EPHA3: variants seen among roughly 807,000 people sequenced by gnomAD.
EPHA3 encodes the protein ephrin type-A receptor 3.
In EPHA3, 42 loss-of-function variants were observed where a neutral mutation model predicts 107.1. That is an observed-to-expected ratio of 0.39 (90% CI 0.31 to 0.51). The LOEUF is 0.51. Among genes scored for constraint, EPHA3 ranks in the 20% least tolerant of loss-of-function variants. EPHA3 has a pLI of 0.78. For missense variants in EPHA3, 1,183 were observed against 1,211.2 expected (o/e 0.98, Z 0.35); for synonymous variants, 461 against 424.8 (o/e 1.09, Z -1.05).
At chr3:89,317,258 A>T (rs1338359407) in intron 3 of EPHA3, among the ~76,000 whole-genome samples, 1 of 151,680 alleles carries the variant, frequency 6.6e-6, no homozygotes, top group Admixed American at 6.6e-5. Flanking sequence ...TTACTGATAA[A>T]CTCACTAGGT....
At chr3:89,221,284 C>A (rs1704368529) in intron 3 of EPHA3, among the ~76,000 whole-genome samples, 1 of 152,144 alleles carries the variant, frequency 6.6e-6, no homozygotes, top group Admixed American at 6.5e-5. Flanking sequence ...CTTCTGACTC[C>A]AAGGGTGGGA....
chr3:89,357,180 C>T (rs1297261722), intron 5 of EPHA3, among the ~76,000 whole-genome samples: 1 of 133,290 alleles, frequency 7.5e-6, no homozygotes, highest in Non-Finnish European at 1.6e-5. Context: ...AGAAAAGAGA[C>T]GGTGATACGG....
intron 5 of EPHA3, among the ~76,000 whole-genome samples, chr3:89,351,919 C>T (rs1278325091): frequency 1.5e-5 from 2 of 134,582 alleles, no homozygotes; most frequent in Non-Finnish European, 3.2e-5. Context: ...AAATTCAAGG[C>T]AGATGCAAAA....
At chr3:89,179,667 T>TAAAAAAAAA (rs11391439) in intron 2 of EPHA3, among the ~76,000 whole-genome samples, 1 of 143,598 alleles carries the variant, frequency 7.0e-6, no homozygotes, top group Non-Finnish European at 1.5e-5. Context: ...TTAAAGTCTG[T>TAAAAAAAAA]AAAAAAAAAA....
intron 11 of EPHA3, among the ~76,000 whole-genome samples, chr3:89,426,886 A>G (rs1168213037): frequency 1.3e-5 from 2 of 151,908 alleles, no homozygotes; most frequent in African/African-American, 2.4e-5. Flanking sequence ...TCATTCATTC[A>G]TTTATTCATT....
chr3:89,365,235 GA>G (rs1185608058), intron 5 of EPHA3, among the ~76,000 whole-genome samples: 7 of 150,622 alleles, frequency 4.6e-5, no homozygotes. Flanking sequence ...TTGAAGACTG[GA>G]AAAAGGAATA....
At chr3:89,355,261 T>G (rs1189770308) in intron 5 of EPHA3, among the ~76,000 whole-genome samples, 2 of 151,248 alleles carry the variant, frequency 1.3e-5, no homozygotes, top group Non-Finnish European at 3.0e-5. Context: ...CAATTGGGCC[T>G]CAGAGTAGGT....
chr3:89,173,480 T>C (rs1414849513), intron 2 of EPHA3, among the ~76,000 whole-genome samples: 1 of 152,048 alleles, frequency 6.6e-6, no homozygotes, highest in African/African-American at 2.4e-5. Flanking sequence ...CTGTTATTTT[T>C]CCAACTTAAG....
chr3:89,407,741 C>T (rs1709082334), intron 8 of EPHA3, among the ~76,000 whole-genome samples: 1 of 152,078 alleles, frequency 6.6e-6, no homozygotes, highest in African/African-American at 2.4e-5. Flanking sequence ...AATCATTACC[C>T]ATAGAGACTT....
chr3:89,226,780 A>G (rs1371927887), intron 3 of EPHA3, among the ~76,000 whole-genome samples: 1 of 152,022 alleles, frequency 6.6e-6, no homozygotes, highest in Non-Finnish European at 1.5e-5. Flanking sequence ...TTTTTTTATC[A>G]TGTAGAAAAC....
intron 3 of EPHA3, among the ~76,000 whole-genome samples, chr3:89,273,979 T>C (rs1267317615): frequency 5.3e-5 from 8 of 151,822 alleles, no homozygotes; most frequent in Non-Finnish European, 4.4e-5. Flanking sequence ...AAATAGACAG[T>C]TATTTACAGT....
At chr3:89,191,134 T>TGCTA (rs1705704626) in intron 2 of EPHA3, among the ~76,000 whole-genome samples, 1 of 152,124 alleles carries the variant, frequency 6.6e-6, no homozygotes, top group Non-Finnish European at 1.5e-5. Context: ...CCAGATATTA[T>TGCTA]GCTAGCTTAG....
chr3:89,361,923 AT>A (rs1271682372), intron 5 of EPHA3, among the ~76,000 whole-genome samples: 1 of 151,210 alleles, frequency 6.6e-6, no homozygotes, highest in Non-Finnish European at 1.5e-5. Flanking sequence ...GAAAAGCAAT[AT>A]TTTTATATGT....
Position 89,342,055 on chromosome 3 carries a change from A to G in EPHA3, c.1271A>G (p.Gln424Arg). ...GVSELSSPPRQFAAVSITTNQ... is the reference protein window; with the variant it reads ...GVSELSSPPRRFAAVSITTNQ... ...TCAGAGCTGAGCTCCCCACCAAGAC[A>G]GTTTGCTGCGGTCAGCATCACAACT... Residue 424 changes from glutamine to arginine, a missense_variant, in exon 5 of 17, where the codon CAG becomes CGG. Coordinates refer to ENST00000336596, the MANE Select transcript of EPHA3 (RefSeq NM_005233.6). 1.2e-6 allele frequency: 2 copies of G among 1,611,444 alleles called. No homozygotes were observed. Among genetic ancestry groups the G allele is most frequent in the Non-Finnish European group, 8.5e-7 (1 of 1,179,502 alleles).
At chr3:89,401,383 A>C (rs1244503736) in intron 7 of EPHA3, among the ~76,000 whole-genome samples, 1 of 152,216 alleles carries the variant, frequency 6.6e-6, no homozygotes, top group African/African-American at 2.4e-5. Context: ...TCACAATAAA[A>C]TGTGTATGGA....
intron 2 of EPHA3, among the ~76,000 whole-genome samples, chr3:89,151,623 T>C (rs1704692414): frequency 6.6e-6 from 1 of 152,050 alleles, no homozygotes; most frequent in South Asian, 2.1e-4. Context: ...ACAAGAAAAT[T>C]AGACTTGTGT....
At chr3:89,244,360 A>AT (rs1704981054) in intron 3 of EPHA3, among the ~76,000 whole-genome samples, 1 of 152,054 alleles carries the variant, frequency 6.6e-6, no homozygotes, top group African/African-American at 2.4e-5. Flanking sequence ...ATATCTAAAA[A>AT]TTTTAAGTAG....
intron 1 of EPHA3, among the ~76,000 whole-genome samples, chr3:89,112,880 A>C (rs1236992793): frequency 6.6e-6 from 1 of 152,004 alleles, no homozygotes; most frequent in African/African-American, 2.4e-5. Flanking sequence ...AAGTTTTACA[A>C]GTTATTTTCT....
At chr3:89,272,917 A>C (rs1705711297) in intron 3 of EPHA3, among the ~76,000 whole-genome samples, 1 of 151,930 alleles carries the variant, frequency 6.6e-6, no homozygotes, top group Admixed American at 6.6e-5. Flanking sequence ...AAAACACTTA[A>C]GAAACCATGT....
Sources: gnomAD v4.1 joint callset for allele counts (sites outside exome capture counted in the v4.1 genomes callset) on GRCh38, gnomAD v4.1.1 for gene constraint, MANE v1.5 for transcripts, NCBI Gene and HGNC (gene_info 2026-07-23, HGNC 2026-07-21) for gene names.